Variants in GPC4 observed in about 807,000 individuals in gnomAD.
The protein encoded by GPC4 is glypican 4, also known as glypican-4.
Under a neutral mutation model 35.0 loss-of-function variants are expected in GPC4, and 10 were observed. That is an observed-to-expected ratio of 0.29 (90% CI 0.18 to 0.48). GPC4 has a LOEUF of 0.48. Ranked by LOEUF, GPC4 falls within the 20% of genes least tolerant of loss-of-function variation. GPC4 has a pLI of 0.99. For synonymous variants in GPC4, 167 were observed against 170.2 expected, an observed-to-expected ratio of 0.98 and a Z score of 0.15; for missense variants, 322 against 451.3, an observed-to-expected ratio of 0.71 and a Z score of 2.60.
At chrX:133,347,248 GT>G (rs763800349) in intron 1 of GPC4, among the ~76,000 whole-genome samples, 13 of 25,422 alleles carry the variant, frequency 5.1e-4, no homozygotes, top group African/African-American at 1.5e-3. Flanking sequence ...TCTATTAGAA[GT>G]TTTTTTTTTT....
chrX:133,411,898 C>T (rs1203922020), intron 1 of GPC4, among the ~76,000 whole-genome samples: 1 of 111,439 alleles, frequency 9.0e-6, no homozygotes, highest in Non-Finnish European at 1.9e-5. Context: ...CTCCCTGACA[C>T]CCTTGAGAGC....
intron 1 of GPC4, among the ~76,000 whole-genome samples, chrX:133,406,035 C>A (rs1281529669): frequency 3.6e-5 from 4 of 112,390 alleles, no homozygotes; most frequent in Non-Finnish European, 7.5e-5. Context: ...ATTTACTGTA[C>A]TTCTATTTCT....
intron 1 of GPC4, among the ~76,000 whole-genome samples, chrX:133,399,181 T>C (rs1161632324): frequency 8.9e-6 from 1 of 112,016 alleles, no homozygotes; most frequent in Non-Finnish European, 1.9e-5. Context: ...ATGACAGTAT[T>C]TCTGTGGTCT....
chrX:133,332,789 T>A (rs914585895), intron 2 of GPC4, among the ~76,000 whole-genome samples: 1 of 112,392 alleles, frequency 8.9e-6, no homozygotes, highest in African/African-American at 3.2e-5. Flanking sequence ...ATTTCCAATT[T>A]CCTACCACTA....
chrX:133,384,965 G>A (rs2068681698), intron 1 of GPC4, among the ~76,000 whole-genome samples: 1 of 111,913 alleles, frequency 8.9e-6, no homozygotes, highest in Non-Finnish European at 1.9e-5. Flanking sequence ...TCAGGTCACA[G>A]CCAGAGAACC....
At chrX:133,395,508 C>T (rs1057320923) in intron 1 of GPC4, among the ~76,000 whole-genome samples, 2 of 110,978 alleles carry the variant, frequency 1.8e-5, no homozygotes, top group Non-Finnish European at 1.9e-5. Flanking sequence ...CCTGTAATCC[C>T]AGCTACTTGG....
At chrX:133,327,640 TGTGTGTG>T (rs2068400060) in intron 2 of GPC4, among the ~76,000 whole-genome samples, 6 of 5,710 alleles carry the variant, frequency 1.1e-3, no homozygotes. Context: ...CAGGAAAGTG[TGTGTGTG>T]TGTGTGTGTG....
intron 1 of GPC4, among the ~76,000 whole-genome samples, chrX:133,397,602 AC>A (rs1158959522): frequency 2.7e-5 from 3 of 110,896 alleles, no homozygotes; most frequent in Non-Finnish European, 3.8e-5. Flanking sequence ...ACAATCACAT[AC>A]CCATAAACTT....
chrX:133,332,403 A>T (rs2068424438), intron 2 of GPC4, among the ~76,000 whole-genome samples: 1 of 110,978 alleles, frequency 9.0e-6, no homozygotes, highest in African/African-American at 3.3e-5. Context: ...CTTCAGAAGC[A>T]TCATTTTTTT....
intron 1 of GPC4, among the ~76,000 whole-genome samples, chrX:133,372,929 C>T (rs1213831515): frequency 9.0e-6 from 1 of 111,499 alleles, no homozygotes. Flanking sequence ...TCTCCATTAA[C>T]ACTTTATTGA....
chrX:133,358,690 G>C (rs1156632102), intron 1 of GPC4, among the ~76,000 whole-genome samples: 1 of 112,008 alleles, frequency 8.9e-6, no homozygotes, highest in Non-Finnish European at 1.9e-5. Context: ...GTACCATTGT[G>C]ATGCATTTAA....
chrX:133,389,951 G>A (rs1290655985), intron 1 of GPC4, among the ~76,000 whole-genome samples: 1 of 111,428 alleles, frequency 9.0e-6, no homozygotes, highest in African/African-American at 3.3e-5. Context: ...AAGAACTGCT[G>A]GGTTCAAATT....
At chrX:133,325,318 A>G (rs899562210) in intron 2 of GPC4, among the ~76,000 whole-genome samples, 8 of 110,630 alleles carry the variant, frequency 7.2e-5, no homozygotes, top group African/African-American at 2.6e-4. Flanking sequence ...GAGAGAGCAC[A>G]TGCATAATGG....
rs927774738 is a variant in GPC4 at position 133,335,458 on chromosome X, TACAC to T, written c.319+3721_319+3724del. Reference sequence around the variant, plus strand: ...ACCCAAATCCGAACACACACACACATACACACACACACACGCACACACACGAGTT... The same window carrying T: ...ACCCAAATCCGAACACACACACACATACACACACACGCACACACACGAGTT... On this transcript the variant is annotated intron_variant, in intron 2 of 8. Transcript: ENST00000370828. 7.3e-5 allele frequency among the ~76,000 whole-genome samples: 8 copies of T among 109,540 alleles called. 1 individual carries two copies. The highest frequency in any genetic ancestry group is 2.9e-4 in the East Asian group (1 of 3,483).
rs1057410426 is a variant in GPC4, at chrX:133,413,638, C to A, written c.160+1168G>T. Among the ~76,000 whole-genome samples, 7 of 110,762 alleles carry A rather than the reference C, an allele frequency of 6.3e-5. No homozygotes were observed. In the East Asian group the frequency reaches 8.6e-4, roughly 14 times the overall value. On this transcript the variant is annotated intron_variant, in intron 1 of 8. Transcript: ENST00000370828. The stretch of plus-strand genomic sequence containing the variant: ...TTCGGAGTGGAGGCTCAGCCCCCCC[C>A]CCGGGCTCGAATCTCTCACTCCTCC...
chrX:133,322,872 C>T lies in GPC4; in HGVS notation c.711+1273G>A, dbSNP rs202022294. ...CTAAAGTTGACAGCACTAAGATCAG[C>T]CTTGCAAAGATCACTTTGCCCCAGT... On this transcript the variant is annotated intron_variant, in intron 3 of 8. Coordinates refer to ENST00000370828, the MANE Select transcript of GPC4 (RefSeq NM_001448.3). Among the ~76,000 whole-genome samples the T allele has an allele frequency of 2.5e-4, 28 of 112,049 alleles. No homozygotes were observed. The East Asian group carries it at 7.9e-3, about 32-fold the overall frequency.
chrX:133,311,328 G>A lies in GPC4; in HGVS notation c.807C>T (p.Tyr269=). Residue 269 remains tyrosine, a synonymous_variant, in exon 4 of 9, where the codon TAC becomes TAT. Transcript: ENST00000370828. ...AACAGCCTCTCATGATGTTTGAGCAGTAGTTGTAACATGGCTTCACAGTCA... is the reference window on the plus strand; with the variant it reads ...AACAGCCTCTCATGATGTTTGAGCAATAGTTGTAACATGGCTTCACAGTCA... ...GLVTVKPCYN[Y]CSNIMRGCLA... The A allele has an allele frequency of 8.3e-7, 1 of 1,211,516 alleles. No individual in the cohort carries two copies. The highest frequency in any genetic ancestry group is 1.1e-6 in the Non-Finnish European group (1 of 894,977).
intron 1 of GPC4, among the ~76,000 whole-genome samples, chrX:133,348,412 C>A (rs1340304130): frequency 8.9e-6 from 1 of 112,004 alleles, no homozygotes; most frequent in East Asian, 2.8e-4. Context: ...AGTGATTAAC[C>A]CAAAACTCTC....
intron 3 of GPC4, among the ~76,000 whole-genome samples, chrX:133,320,953 G>A (rs912536893): frequency 2.7e-5 from 3 of 111,163 alleles, no homozygotes; most frequent in African/African-American, 9.8e-5. Context: ...GAGGCAGGAG[G>A]ATTGCTGGAG....
Sources: allele counts gnomAD v4.1 joint callset (sites outside exome capture counted in the v4.1 genomes callset), GRCh38; gene constraint gnomAD v4.1.1; transcripts MANE v1.5; gene names NCBI Gene and HGNC (gene_info 2026-07-23, HGNC 2026-07-21).